Variants in FAM161A observed in about 807,000 individuals in gnomAD.
FAM161A encodes protein FAM161A.
A neutral mutation model predicts 70.9 loss-of-function variants in FAM161A; 57 were observed. That is an observed-to-expected ratio of 0.80 (90% CI 0.65 to 1.00). The LOEUF (loss-of-function observed/expected upper bound fraction) is 1.00. Ranked by LOEUF, FAM161A falls within the 50% of genes least tolerant of loss-of-function variation. The probability of loss-of-function intolerance (pLI) is 0.00; values close to 1 mark genes in which losing one functional copy is unlikely to be tolerated. For synonymous variants in FAM161A, 299 were observed against 295.7 expected, an observed-to-expected ratio of 1.01 and a Z score of -0.12; for missense variants, 880 against 836.0, an observed-to-expected ratio of 1.05 and a Z score of -0.65.
At chr2:61,807,766 G>C in the FAM161A span, among the ~76,000 whole-genome samples, 1 of 150,680 alleles carries the variant, frequency 6.6e-6, no homozygotes, top group African/African-American at 2.4e-5. Context: ...TCAGCCTCCT[G>C]AGTAGCTGGG....
chr2:61,808,856 T>C, the FAM161A span, among the ~76,000 whole-genome samples: 3 of 152,028 alleles, frequency 2.0e-5, no homozygotes, highest in African/African-American at 7.2e-5. Flanking sequence ...CACTAGTTAA[T>C]TGTAAACAAA....
intron 5 of FAM161A, among the ~76,000 whole-genome samples, chr2:61,832,269 A>C (rs976357916): frequency 4.6e-5 from 7 of 151,502 alleles, no homozygotes; most frequent in East Asian, 1.9e-4. Flanking sequence ...ACCAACAACA[A>C]CAACAACAAA....
At chr2:61,849,070 A>AATATATATATTTATATATT (rs1673397032) in intron 1 of FAM161A, among the ~76,000 whole-genome samples, 1 of 1,624 alleles carries the variant, frequency 6.2e-4, no homozygotes, top group Non-Finnish European at 1.1e-3. Context: ...ATATATATAA[A>AATATATATATTTATATATT]TATATATATT....
chr2:61,848,962 TTATA>T (rs367752780), intron 1 of FAM161A, among the ~76,000 whole-genome samples: 41 of 704 alleles, frequency 0.058, 16 homozygotes, highest in South Asian at 0.16. Context: ...ATATATATAT[TTATA>T]TATATATATA....
At position 61,825,677 on chromosome 2, in the gene FAM161A, G is replaced by C. The variant is rs375073107; in HGVS notation, c.*778C>G. On this transcript the variant is annotated 3_prime_UTR_variant, in exon 7 of 7. Transcript: ENST00000404929. ...TTTGGAGACGGAGTCTCGCTCTGTT[G>C]CCCAAGCTGGAGTGCAGTGGCGCGA... 2.4e-6 allele frequency: 1 copy of C among 419,082 alleles called. No individual in the cohort carries two copies. Among genetic ancestry groups the C allele is most frequent in the Admixed American group, 3.0e-5 (1 of 33,862 alleles). 26.0% of individuals were successfully genotyped at this position (419,082 alleles called of 1,614,324 possible). A position where few individuals can be genotyped will look rare whatever the true frequency, so the allele number is the denominator to read the frequency against.
the FAM161A span, among the ~76,000 whole-genome samples, chr2:61,814,489 C>T: frequency 0.061 from 9,279 of 152,222 alleles, 348 homozygotes; most frequent in African/African-American, 0.07. Flanking sequence ...GCTTCTCTTC[C>T]TTTCCTCTGC....
At chr2:61,817,558 G>A in the FAM161A span, among the ~76,000 whole-genome samples, 3 of 152,192 alleles carry the variant, frequency 2.0e-5, no homozygotes, top group Non-Finnish European at 4.4e-5. Flanking sequence ...ACAGAGCCTG[G>A]TGGAGTCTCT....
chr2:61,852,428 T>C (rs1673528434), intron 1 of FAM161A, among the ~76,000 whole-genome samples: 1 of 152,230 alleles, frequency 6.6e-6, no homozygotes, highest in Non-Finnish European at 1.5e-5. Context: ...GAGACACACA[T>C]TCTTTCATTT....
At chr2:61,820,428 C>A (rs12464287), downstream of FAM161A, 168,845 of 754,390 alleles carry the variant, frequency 0.22, 19,519 homozygotes, top group Non-Finnish European at 0.24. Flanking sequence ...CAAGGCCACA[C>A]AAGGTGGATG....
the FAM161A span, among the ~76,000 whole-genome samples, chr2:61,805,893 T>A: frequency 6.6e-6 from 1 of 152,180 alleles, no homozygotes; most frequent in African/African-American, 2.4e-5. Flanking sequence ...CTAGGCTTGT[T>A]ATCAAATTAC....
At chr2:61,817,936 T>C in the FAM161A span, among the ~76,000 whole-genome samples, 1 of 151,968 alleles carries the variant, frequency 6.6e-6, no homozygotes, top group South Asian at 2.1e-4. Flanking sequence ...CCAGCCTGGG[T>C]GACAAAGCAA....
intron 1 of FAM161A, among the ~76,000 whole-genome samples, chr2:61,851,323 TTTA>T (rs1461763492): frequency 6.6e-6 from 1 of 152,068 alleles, no homozygotes; most frequent in Non-Finnish European, 1.5e-5. Flanking sequence ...GGAGTGAGAT[TTTA>T]TTTTTTCTTT....
At chr2:61,831,311 G>A (rs369724846) in intron 5 of FAM161A, among the ~76,000 whole-genome samples, 4 of 150,332 alleles carry the variant, frequency 2.7e-5, no homozygotes, top group Non-Finnish European at 4.4e-5. Context: ...AACAAGCCTC[G>A]CATGTCACTA....
At chr2:61,838,892 A>ATTTATTTATTTATTTT (rs747578151) in intron 3 of FAM161A, among the ~76,000 whole-genome samples, 187 bp from the exon 4 acceptor site, 7 of 130,338 alleles carry the variant, frequency 5.4e-5, no homozygotes, top group African/African-American at 1.3e-4. Context: ...TTATTTATTT[A>ATTTATTTATTTATTTT]TTTTTTTTGA....
At chr2:61,833,216 A>G (rs751151268) in intron 5 of FAM161A, among the ~76,000 whole-genome samples, 1 of 152,072 alleles carries the variant, frequency 6.6e-6, no homozygotes, top group Non-Finnish European at 1.5e-5. Context: ...TCAGGTCAGG[A>G]GTTCGAGACC....
At chr2:61,831,287 T>C (rs1158930509) in intron 5 of FAM161A, among the ~76,000 whole-genome samples, 4 of 152,112 alleles carry the variant, frequency 2.6e-5, no homozygotes, top group Non-Finnish European at 4.4e-5. Flanking sequence ...CTTTTTTTTT[T>C]CTAGACCTGT....
chr2:61,820,714 T>C, downstream of FAM161A: 2 of 358,674 alleles, frequency 5.6e-6, no homozygotes, highest in Non-Finnish European at 1.0e-5. Flanking sequence ...GAAATATTTA[T>C]ACATGAAATA....
At chr2:61,803,741 G>A in the FAM161A span, among the ~76,000 whole-genome samples, 4 of 152,138 alleles carry the variant, frequency 2.6e-5, no homozygotes, top group East Asian at 5.8e-4. Flanking sequence ...GTGAACTCGG[G>A]ACATGGAGGT....
the FAM161A span, among the ~76,000 whole-genome samples, chr2:61,800,266 G>T: frequency 3.3e-5 from 5 of 152,216 alleles, no homozygotes; most frequent in Admixed American, 6.5e-5. Context: ...TATTGGAGCT[G>T]TACAAAAGGC....
Sources: allele counts gnomAD v4.1 joint callset (sites outside exome capture counted in the v4.1 genomes callset), GRCh38; gene constraint gnomAD v4.1.1; transcripts MANE v1.5; gene names NCBI Gene and HGNC (gene_info 2026-07-23, HGNC 2026-07-21).